The following ABCB5 variants were observed in gnomAD, a reference collection of about 807,000 sequenced individuals.
ABCB5 encodes the protein ATP-binding cassette sub-family B member 5.
A neutral mutation model predicts 144.2 loss-of-function variants in ABCB5; 155 were observed. The observed-to-expected ratio is 1.08, with a 90% CI of 0.94 to 1.23. ABCB5 has a LOEUF of 1.23. ABCB5 is among the 50% of genes most tolerant of loss of function. ABCB5 has a pLI of 0.00. For synonymous variants in ABCB5, 610 were observed against 528.6 expected (o/e 1.15, Z -2.11); for missense variants, 1,830 against 1,520.8 (o/e 1.20, Z -3.38).
At chr7:20,658,969 G>A (rs1197767379) in intron 14 of ABCB5, 3 of 1,362,904 alleles carry the variant, frequency 2.2e-6, no homozygotes, top group African/African-American at 1.4e-5. Flanking sequence ...TCCCTAGAGT[G>A]GCCCACCACT....
intron 5 of ABCB5, among the ~76,000 whole-genome samples, chr7:20,638,896 A>T (rs887346852): frequency 5.3e-5 from 8 of 152,144 alleles, no homozygotes; most frequent in African/African-American, 1.7e-4. Flanking sequence ...TTGCTGGGTC[A>T]TATGGTAAAT....
chr7:20,690,591 G>C (rs894441174), intron 16 of ABCB5, among the ~76,000 whole-genome samples: 1 of 152,208 alleles, frequency 6.6e-6, no homozygotes, highest in African/African-American at 2.4e-5. Context: ...TTGGAGAACA[G>C]TGTGTGGGGG....
chr7:20,640,494 T>A (rs1784272720), intron 5 of ABCB5, among the ~76,000 whole-genome samples: 1 of 152,198 alleles, frequency 6.6e-6, no homozygotes, highest in African/African-American at 2.4e-5. Flanking sequence ...ACAGCCTTCT[T>A]GCACTAAGGA....
chr7:20,680,901 A>T (rs1201332147), intron 14 of ABCB5, among the ~76,000 whole-genome samples: 1 of 152,034 alleles, frequency 6.6e-6, no homozygotes, highest in East Asian at 1.9e-4. Flanking sequence ...CTGCCCAAGG[A>T]TAAGATACTT....
At chr7:20,625,757 A>G (rs1783895106) in intron 2 of ABCB5, among the ~76,000 whole-genome samples, 1 of 152,238 alleles carries the variant, frequency 6.6e-6, no homozygotes, top group Non-Finnish European at 1.5e-5. Context: ...CAAAAAATCA[A>G]TAATAGGTTT....
chr7:20,628,614 T>G, intron 3 of ABCB5, 74 bp from the exon 4 acceptor site: 12 of 994,338 alleles, frequency 1.2e-5, no homozygotes, highest in Non-Finnish European at 1.2e-5. Flanking sequence ...TGTAGGCTGT[T>G]GTGTGTGTGT....
chr7:20,699,900 G>C lies in ABCB5; in HGVS notation c.2230G>C (p.Val744Leu), dbSNP rs1187241765. ...IYSMIFVILG[V>L]ICFVSYFMQG... ...TTCCATGATATTCGTCATTTTGGGT[G>C]TTATTTGCTTTGTCAGTTATTTCAT... is the stretch of plus-strand genomic sequence containing the variant. Residue 744 changes from valine (V) to leucine (L), a missense_variant, in exon 18 of 28, where the codon GTT (valine) becomes CTT (leucine). Val to Leu is a conservative substitution (Grantham distance 32). Coordinates refer to ENST00000404938, the MANE Select transcript of ABCB5 (RefSeq NM_001163941.2). 1.2e-6 allele frequency: 2 copies of C among 1,612,852 alleles called. No homozygotes were observed. The highest frequency in any genetic ancestry group is 1.1e-5 in the South Asian group (1 of 90,784).
At chr7:20,617,813 T>TTATAGTAATATAGTAA (rs1554277421) in intron 1 of ABCB5, among the ~76,000 whole-genome samples, 1 of 152,086 alleles carries the variant, frequency 6.6e-6, no homozygotes, top group Non-Finnish European at 1.5e-5. Flanking sequence ...GCTGGAATGG[T>TTATAGTAATATAGTAA]TATAGTAATA....
chr7:20,703,262 C>T (rs1289454889), intron 19 of ABCB5, among the ~76,000 whole-genome samples: 1 of 152,028 alleles, frequency 6.6e-6, no homozygotes, highest in Non-Finnish European at 1.5e-5. Flanking sequence ...CAATAAAAAG[C>T]AGGTGATGTC....
chr7:20,689,286 AC>A (rs1304651264), intron 16 of ABCB5, among the ~76,000 whole-genome samples: 4 of 152,152 alleles, frequency 2.6e-5, no homozygotes, highest in Non-Finnish European at 5.9e-5. Flanking sequence ...TGGAAAGGGC[AC>A]AGCTGTGGTT....
Position 20,691,201 on chromosome 7 carries a change from T to G in ABCB5, c.2010+5365T>G, listed in dbSNP as rs992945770. On this transcript the variant is annotated intron_variant, in intron 16 of 27. Coordinates refer to ENST00000404938, the MANE Select transcript of ABCB5 (RefSeq NM_001163941.2). Reference sequence around the variant, plus strand: ...TTTTTTTTTTTTTTTTTTTTTTTTTTGAGACGGAGTTTCACTCTTGTTGCT... The same window carrying G: ...TTTTTTTTTTTTTTTTTTTTTTTTTGGAGACGGAGTTTCACTCTTGTTGCT... Among the ~76,000 whole-genome samples the G allele has an allele frequency of 3.9e-4, 29 of 74,396 alleles. 1 individual carries two copies. Among genetic ancestry groups the G allele is most frequent in the African/African-American group, 1.4e-3 (27 of 19,712 alleles). 48.8% of individuals were successfully genotyped at this position (74,396 alleles called of 152,430 possible). A position where few individuals can be genotyped will look rare whatever the true frequency, so the allele number is the denominator to read the frequency against.
At chr7:20,682,470 A>G (rs1445400106) in intron 15 of ABCB5, among the ~76,000 whole-genome samples, 1 of 152,164 alleles carries the variant, frequency 6.6e-6, no homozygotes, top group Non-Finnish European at 1.5e-5. Context: ...GGGTGAACAT[A>G]AAGGACAAAT....
At chr7:20,717,252 A>G (rs10259493) in intron 20 of ABCB5, among the ~76,000 whole-genome samples, 21,791 of 151,996 alleles carry the variant, frequency 0.14, 3,050 homozygotes, top group African/African-American at 0.35. Context: ...ACAAAGGACC[A>G]CAGACTAGGA....
At chr7:20,659,256 G>C in intron 14 of ABCB5, 1 of 1,511,238 alleles carries the variant, frequency 6.6e-7, no homozygotes, top group South Asian at 1.3e-5. Flanking sequence ...ATCTAGGAGG[G>C]GAGTTGGCAG....
chr7:20,675,436 T>C (rs1315969930), intron 14 of ABCB5, among the ~76,000 whole-genome samples: 1 of 151,982 alleles, frequency 6.6e-6, no homozygotes, highest in Non-Finnish European at 1.5e-5. Flanking sequence ...AAATTGGATG[T>C]CCACATGCAA....
Position 20,628,804 on chromosome 7 carries a change from C to A in ABCB5, c.225C>A (p.Asn75Lys), listed in dbSNP as rs751029080. Reference sequence around the variant, plus strand: ...TGGTTTTAGGAGAAATGAGTGATAACCTTATTAGTGGATGTCTAGTCCAAA... The same window carrying A: ...TGGTTTTAGGAGAAATGAGTGATAAACTTATTAGTGGATGTCTAGTCCAAA... ...MPLVLGEMSD[N>K]LISGCLVQTN... Residue 75 changes from asparagine (N) to lysine (K), a missense_variant, in exon 4 of 28, where the codon AAC (asparagine) becomes AAA (lysine). Coordinates refer to ENST00000404938, the MANE Select transcript of ABCB5 (RefSeq NM_001163941.2). 4.3e-6 allele frequency: 7 copies of A among 1,613,658 alleles called. No individual in the cohort carries two copies. Among genetic ancestry groups the A allele is most frequent in the East Asian group, 2.2e-5 (1 of 44,864 alleles).
At chr7:20,658,759 G>A (rs190936145) in intron 14 of ABCB5, 83 bp downstream of exon 14, 7 of 1,481,024 alleles carry the variant, frequency 4.7e-6, no homozygotes, top group Non-Finnish European at 4.6e-6. Context: ...ATCTGTAATA[G>A]ATTACTCAAG....
At chr7:20,735,008 C>G (rs1389262521) in intron 23 of ABCB5, among the ~76,000 whole-genome samples, 2 of 152,158 alleles carry the variant, frequency 1.3e-5, no homozygotes, top group African/African-American at 2.4e-5. Context: ...GACCAAGAAC[C>G]ATTCCTAATC....
At chr7:20,720,761 C>T (rs985777918) in intron 20 of ABCB5, among the ~76,000 whole-genome samples, 16 of 151,564 alleles carry the variant, frequency 1.1e-4, no homozygotes, top group African/African-American at 3.6e-4. Context: ...CTGGCTAACA[C>T]GGTGAAACCC....
Sources: allele counts gnomAD v4.1 joint callset (sites outside exome capture counted in the v4.1 genomes callset), GRCh38; gene constraint gnomAD v4.1.1; transcripts MANE v1.5; gene names NCBI Gene and HGNC (gene_info 2026-07-23, HGNC 2026-07-21).